The following REV1 variants were observed in gnomAD, a reference collection of about 807,000 sequenced individuals.
REV1 encodes REV1 DNA directed polymerase, also known as translesion synthesis protein REV1.
A neutral mutation model predicts 137.4 loss-of-function variants in REV1; 42 were observed. That is an observed-to-expected ratio of 0.31 (90% CI 0.24 to 0.40). The LOEUF is 0.40. Ranked by LOEUF, REV1 falls within the 10% of genes least tolerant of loss-of-function variation. REV1 has a pLI of 1.00. For synonymous variants in REV1, 524 were observed against 519.2 expected (o/e 1.01, Z -0.12); for missense variants, 1,282 against 1,490.1 (o/e 0.86, Z 2.30).
chr2:99,480,966 G>A (rs1480861664), intron 1 of REV1, among the ~76,000 whole-genome samples: 1 of 152,164 alleles, frequency 6.6e-6, no homozygotes, highest in African/African-American at 2.4e-5. Context: ...TGAGTTCCAA[G>A]ATAATTCAAT....
chr2:99,405,955 C>T lies in REV1; in HGVS notation c.2766G>A (p.Val922=). 1 of 1,611,284 alleles carries T rather than the reference C, an allele frequency of 6.2e-7. No individual in the cohort carries two copies. Among genetic ancestry groups the T allele is most frequent in the Non-Finnish European group, 8.5e-7 (1 of 1,178,644 alleles). Residue 922 remains valine, a synonymous_variant, in exon 17 of 23, where the codon GTG becomes GTA. Coordinates refer to ENST00000258428, the MANE Select transcript of REV1 (RefSeq NM_016316.4). ...KWNGLHTPVS[V]QSRLNLSIEV... ...CTATACTCAGGTTAAGTCTCGACTG[C>T]ACACTGACAGGAGTATGTAGACCAT... is the stretch of plus-strand genomic sequence containing the variant.
intron 10 of REV1, among the ~76,000 whole-genome samples, chr2:99,423,303 A>G (rs1678919702): frequency 1.3e-5 from 2 of 152,250 alleles, no homozygotes; most frequent in Non-Finnish European, 2.9e-5. Context: ...CAGAGGCAAG[A>G]AGTCTATCTC....
intron 1 of REV1, among the ~76,000 whole-genome samples, chr2:99,487,176 T>C (rs1559434018): frequency 6.6e-6 from 1 of 152,182 alleles, no homozygotes; most frequent in South Asian, 2.1e-4. Flanking sequence ...AAAATGACTA[T>C]GGGACTGGGG....
chr2:99,433,696 C>T (rs1280271292), intron 8 of REV1, among the ~76,000 whole-genome samples: 1 of 152,088 alleles, frequency 6.6e-6, no homozygotes, highest in African/African-American at 2.4e-5. Flanking sequence ...GCAAAACAAC[C>T]ATGAGAAAAC....
chr2:99,403,060 C>CT lies in REV1; in HGVS notation c.3212dup (p.Lys1072GlufsTer21). 6.2e-7 allele frequency: 1 copy of CT among 1,613,386 alleles called. No individual in the cohort carries two copies. The highest frequency in any genetic ancestry group is 8.5e-7 in the Non-Finnish European group (1 of 1,179,794). ...TGGTTTTTTTCTTCTTGTTTCTTTT[C>CT]TTTTCTTTCACTGCTGCCTTTAGAT... On this transcript the variant is annotated frameshift_variant, in exon 20 of 23. Transcript: ENST00000258428. LOFTEE classifies it high-confidence loss of function.
intron 3 of REV1, among the ~76,000 whole-genome samples, chr2:99,460,822 A>G (rs1347322718): frequency 1.3e-5 from 2 of 152,206 alleles, no homozygotes; most frequent in Non-Finnish European, 2.9e-5. Context: ...TAACAGATCT[A>G]AACAGAAAAT....
In REV1 at chr2:99,403,032, C is replaced by G. The variant is rs573088136; in HGVS notation, c.3241G>C (p.Gly1081Arg). 6.2e-7 allele frequency: 1 copy of G among 1,614,006 alleles called. No homozygotes were observed. The highest frequency in any genetic ancestry group is 1.1e-5 in the South Asian group (1 of 91,076). The change falls in exon 20 of 23, where the codon GGT becomes CGT. Residue 1081 changes from glycine (G) to arginine (R), a missense_variant. Coordinates refer to ENST00000258428, the MANE Select transcript of REV1 (RefSeq NM_016316.4). The part of the protein sequence containing the change: ...KKRNKKKKTI[G>R]SPKRIQSPLN... ...GGACTCTGAATCCTTTTTGGTGAAC[C>G]AATGGTTTTTTTCTTCTTGTTTCTT...
intron 6 of REV1, among the ~76,000 whole-genome samples, chr2:99,436,388 G>A (rs1338735961): frequency 8.5e-5 from 13 of 152,142 alleles, no homozygotes; most frequent in Admixed American, 8.5e-4. Flanking sequence ...CAACTATGAG[G>A]TAGGTAATCG....
chr2:99,408,761 T>C (rs932683933), intron 14 of REV1, among the ~76,000 whole-genome samples: 1 of 152,206 alleles, frequency 6.6e-6, no homozygotes, highest in Admixed American at 6.5e-5. Flanking sequence ...GAGCGGGCTG[T>C]CCCATTGCAA....
upstream of REV1, among the ~76,000 whole-genome samples, chr2:99,490,190 C>A (rs1342590873): frequency 6.6e-6 from 1 of 151,158 alleles, no homozygotes; most frequent in African/African-American, 2.4e-5. Context: ...GCGTCGGCCT[C>A]CGTGTTCCTC....
intron 4 of REV1, among the ~76,000 whole-genome samples, chr2:99,448,683 A>G (rs956640892): frequency 3.3e-5 from 5 of 152,204 alleles, no homozygotes; most frequent in Admixed American, 6.5e-5. Flanking sequence ...TATAAACTCC[A>G]TGAGGTAGTG....
At chr2:99,442,097 C>A (rs1490591523) in intron 5 of REV1, among the ~76,000 whole-genome samples, 1 of 151,276 alleles carries the variant, frequency 6.6e-6, no homozygotes, top group Non-Finnish European at 1.5e-5. Context: ...ACTAAAAATA[C>A]AAAAATTAGC....
Position 99,469,611 on chromosome 2 carries a change from T to A in REV1, c.-10-4626A>T, listed in dbSNP as rs544200436. 2.0e-5 allele frequency among the ~76,000 whole-genome samples: 3 copies of A among 152,320 alleles called. No homozygotes were observed. The East Asian group carries it at 5.8e-4, about 29-fold the overall frequency. On this transcript the variant is annotated intron_variant, in intron 1 of 22. Coordinates refer to ENST00000258428, the MANE Select transcript of REV1 (RefSeq NM_016316.4). ...TCCTGAATGCCTACACAAGACTTCCTCTTTCCATTCTCTCAATAGGGATGT... is the reference window on the plus strand; with the variant it reads ...TCCTGAATGCCTACACAAGACTTCCACTTTCCATTCTCTCAATAGGGATGT...
At chr2:99,467,209 T>A (rs1018538502) in intron 1 of REV1, among the ~76,000 whole-genome samples, 1 of 151,938 alleles carries the variant, frequency 6.6e-6, no homozygotes, top group Non-Finnish European at 1.5e-5. Context: ...TCCTTAATGA[T>A]GGTTTAATGA....
intron 1 of REV1, among the ~76,000 whole-genome samples, chr2:99,482,908 T>C (rs968652475): frequency 5.3e-5 from 8 of 151,654 alleles, no homozygotes; most frequent in Non-Finnish European, 1.5e-5. Flanking sequence ...TCTCAACCAC[T>C]TGGGAGGCTG....
chr2:99,450,569 A>C (rs1008944677), intron 3 of REV1, among the ~76,000 whole-genome samples: 1 of 152,222 alleles, frequency 6.6e-6, no homozygotes, highest in African/African-American at 2.4e-5. Context: ...ATACAGACAT[A>C]CCAGGTTTGT....
intron 11 of REV1, among the ~76,000 whole-genome samples, chr2:99,420,715 C>T (rs1678544917): frequency 1.3e-5 from 2 of 152,180 alleles, no homozygotes; most frequent in South Asian, 4.1e-4. Flanking sequence ...AGACAGGGAA[C>T]TTTGGAAGAA....
intron 3 of REV1, among the ~76,000 whole-genome samples, chr2:99,454,894 CA>C (rs1228517959): frequency 6.6e-6 from 1 of 152,164 alleles, no homozygotes; most frequent in Non-Finnish European, 1.5e-5. Context: ...ACAAGGACCA[CA>C]ATTTAGCCCA....
chr2:99,444,672 T>C (rs1681964332), intron 4 of REV1, among the ~76,000 whole-genome samples: 1 of 152,210 alleles, frequency 6.6e-6, no homozygotes, highest in South Asian at 2.1e-4. Flanking sequence ...AGTGAAGTAA[T>C]GTCAGTTATA....
Sources: gnomAD v4.1 joint callset for allele counts (sites outside exome capture counted in the v4.1 genomes callset) on GRCh38, gnomAD v4.1.1 for gene constraint, MANE v1.5 for transcripts, NCBI Gene and HGNC (gene_info 2026-07-23, HGNC 2026-07-21) for gene names.